Variants in RPP14 observed in about 807,000 individuals in gnomAD.
RPP14 encodes ribonuclease P protein subunit p14.
A neutral mutation model predicts 17.8 loss-of-function variants in RPP14; 19 were observed. That is an observed-to-expected ratio of 1.07 (90% CI 0.74 to 1.57). The LOEUF (loss-of-function observed/expected upper bound fraction) is 1.57. Among genes scored for constraint, RPP14 ranks in the 40% most tolerant of loss-of-function variants. RPP14 has a pLI of 0.00. For synonymous variants in RPP14, 60 were observed against 56.4 expected, an observed-to-expected ratio of 1.06 and a Z score of -0.29; for missense variants, 125 against 140.8, an observed-to-expected ratio of 0.89 and a Z score of 0.57.
At chr3:58,307,466 G>A (rs1337619094) in intron 1 of RPP14, among the ~76,000 whole-genome samples, 1 of 152,212 alleles carries the variant, frequency 6.6e-6, no homozygotes, top group Non-Finnish European at 1.5e-5. Flanking sequence ...GCTCATGCCT[G>A]TAATCCCAGC....
intron 3 of RPP14, among the ~76,000 whole-genome samples, chr3:58,311,541 C>T (rs1176765958): frequency 6.6e-6 from 1 of 152,154 alleles, no homozygotes; most frequent in African/African-American, 2.4e-5. Flanking sequence ...ACAAAATGGC[C>T]TCCAGTTCTA....
chr3:58,312,334 A>ACCCCCC lies in RPP14; in HGVS notation c.162+1747_162+1752dup, dbSNP rs76719108. Among the ~76,000 whole-genome samples the ACCCCCC allele has an allele frequency of 3.0e-4, 21 of 69,702 alleles. No individual in the cohort carries two copies. In the East Asian group the frequency reaches 4.3e-3, roughly 14 times the overall value. 45.7% of individuals were successfully genotyped at this position (69,702 alleles called of 152,430 possible). The stretch of plus-strand genomic sequence containing the variant: ...TGGAGTGCAGTGGCACAACCTCCGC[A>ACCCCCC]CCCCCCCCCGCCCCTCCCGGATTCA... On this transcript the variant is annotated intron_variant, in intron 3 of 5. Coordinates refer to ENST00000295959, the MANE Select transcript of RPP14 (RefSeq NM_007042.6).
intron 5 of RPP14, 105 bp from the exon 6 acceptor site, chr3:58,317,335 C>A: frequency 1.4e-6 from 1 of 735,438 alleles, no homozygotes; most frequent in South Asian, 1.8e-5. Flanking sequence ...GTAAAATGCT[C>A]CTGCATCAGC....
chr3:58,318,547 C>G lies in RPP14; in HGVS notation c.*1051C>G, dbSNP rs903688710. On this transcript the variant is annotated 3_prime_UTR_variant, in exon 6 of 6. Transcript: ENST00000295959. ...ACTAGCTGTGCTTGGTGACTTGGCC[C>G]TGTAGTCCCAGTTGCTTGGGAGGCT... 6.5e-6 allele frequency: 1 copy of G among 152,686 alleles called. No individual in the cohort carries two copies. The highest frequency in any genetic ancestry group is 2.5e-5 in the African/African-American group (1 of 40,702). The allele number at this position is 152,686 out of a possible 1,614,324, so 9.5% of individuals were successfully genotyped here. A position where few individuals can be genotyped will look rare whatever the true frequency, so the allele number is the denominator to read the frequency against.
chr3:58,317,595 A>T lies in RPP14; in HGVS notation c.*99A>T. The T allele has an allele frequency of 2.4e-6, 2 of 850,988 alleles. No individual in the cohort carries two copies. Among genetic ancestry groups the T allele is most frequent in the Non-Finnish European group, 3.9e-6 (2 of 510,832 alleles). The allele number at this position is 850,988 out of a possible 1,614,324, so 52.7% of individuals were successfully genotyped here. A position where few individuals can be genotyped will look rare whatever the true frequency, so the allele number is the denominator to read the frequency against. On this transcript the variant is annotated 3_prime_UTR_variant, in exon 6 of 6. Transcript: ENST00000295959. The stretch of plus-strand genomic sequence containing the variant: ...TGAAGCAGGCTAAAAGCTCTTGATG[A>T]AATTTGAGGGTGCTGAAGATGTTCC...
chr3:58,315,783 TCTC>T (rs1203984496), intron 3 of RPP14: 9 of 152,396 alleles, frequency 5.9e-5, no homozygotes, highest in African/African-American at 2.2e-4. Context: ...TTCAAGCGAT[TCTC>T]CTGCCTCAGC....
chr3:58,308,491 C>T (rs370772225), intron 1 of RPP14, among the ~76,000 whole-genome samples: 10 of 151,916 alleles, frequency 6.6e-5, no homozygotes, highest in African/African-American at 2.4e-4. Context: ...CAGGGTCTCA[C>T]TATGTTTCCC....
chr3:58,309,870 C>T (rs188908638), intron 1 of RPP14, among the ~76,000 whole-genome samples: 149 of 151,466 alleles, frequency 9.8e-4, no homozygotes, highest in African/African-American at 3.2e-3. Context: ...CCAGCCTGGG[C>T]GACAGAGCAA....
At chr3:58,310,709 A>G (rs2097481289) in intron 3 of RPP14, 118 bp downstream of exon 3, 1 of 755,342 alleles carries the variant, frequency 1.3e-6, no homozygotes, top group African/African-American at 1.8e-5. Context: ...AGGTGGGCAG[A>G]TCATGAGGTC....
intron 1 of RPP14, among the ~76,000 whole-genome samples, chr3:58,306,806 A>AAG (rs2097475532): frequency 6.6e-6 from 1 of 152,274 alleles, no homozygotes; most frequent in Non-Finnish European, 1.5e-5. Flanking sequence ...CTTGGGAAAC[A>AAG]GCAGTGAACA....
At chr3:58,313,258 CA>C (rs1443143733) in intron 3 of RPP14, among the ~76,000 whole-genome samples, 1 of 151,216 alleles carries the variant, frequency 6.6e-6, no homozygotes, top group Non-Finnish European at 1.5e-5. Flanking sequence ...GACTCGGTCT[CA>C]AAAAAAAGGC....
chr3:58,316,146 C>T (rs1223601561), intron 3 of RPP14, among the ~76,000 whole-genome samples: 1 of 152,172 alleles, frequency 6.6e-6, no homozygotes, highest in African/African-American at 2.4e-5. Flanking sequence ...GGACTAATGT[C>T]TTGGTTCTTG....
At chr3:58,310,727 C>T (rs1198077327) in intron 3 of RPP14, 136 bp downstream of exon 3, 6 of 638,022 alleles carry the variant, frequency 9.4e-6, no homozygotes, top group Admixed American at 5.5e-5. Flanking sequence ...GTCAAGAGAT[C>T]GAGACCATCC....
intron 3 of RPP14, among the ~76,000 whole-genome samples, chr3:58,314,700 T>TG (rs2097486446): frequency 1.7e-5 from 2 of 121,122 alleles, no homozygotes; most frequent in African/African-American, 6.7e-5. Flanking sequence ...TTTTTTTTTT[T>TG]GTTGAGATGG....
At position 58,308,283 on chromosome 3, in the gene RPP14, T is replaced by G. The variant is rs1160061153; in HGVS notation, c.-22+1866T>G. On this transcript the variant is annotated intron_variant, in intron 1 of 5. Coordinates refer to ENST00000295959, the MANE Select transcript of RPP14 (RefSeq NM_007042.6). The stretch of plus-strand genomic sequence containing the variant: ...ACTTTGTGTCATAGTATTACAGTAT[T>G]TTTTGTTTGTTTGTTTTGGAGACAG... Among the ~76,000 whole-genome samples the G allele has an allele frequency of 1.3e-5, 2 of 152,146 alleles. 1 individual carries two copies. The highest frequency in any genetic ancestry group is 4.8e-5 in the African/African-American group (2 of 41,492).
rs1253254019 is a variant in RPP14, at chr3:58,310,328, A to T, written c.-2A>T. The T allele has an allele frequency of 1.2e-6, 2 of 1,613,968 alleles. No individual in the cohort carries two copies. The highest frequency in any genetic ancestry group is 1.7e-5 in the Admixed American group (1 of 60,010). ...CTGTAGGTGTGATCAGCACTGGAAAAGATGCCTGCCCCTGCTGCCACATAT... is the reference window on the plus strand; with the variant it reads ...CTGTAGGTGTGATCAGCACTGGAAATGATGCCTGCCCCTGCTGCCACATAT... On this transcript the variant is annotated 5_prime_UTR_variant, in exon 2 of 6. In the 5' UTR this introduces an upstream ATG that the reference lacks. Transcript: ENST00000295959.
chr3:58,307,461 T>A (rs1056641836), intron 1 of RPP14, among the ~76,000 whole-genome samples: 1 of 152,188 alleles, frequency 6.6e-6, no homozygotes, highest in Non-Finnish European at 1.5e-5. Flanking sequence ...CGGTGGCTCA[T>A]GCCTGTAATC....
rs2097488906 is a variant in RPP14, at chr3:58,316,951, A to T, written c.276A>T (p.Leu92Phe). 1 of 1,613,888 alleles carries T rather than the reference A, an allele frequency of 6.2e-7. No individual in the cohort carries two copies. The highest frequency in any genetic ancestry group is 8.5e-7 in the Non-Finnish European group (1 of 1,179,902). The change falls in exon 5 of 6, where the codon TTA becomes TTT. Residue 92 changes from leucine (L) to phenylalanine (F), a missense_variant. By Grantham distance (22) the Leu-to-Phe change is conservative. Transcript: ENST00000295959. ...AATTGTGGAGCTCTTTGACCCTGTT[A>T]GGATCCTATAAAGGCAAAAAATGTG... is the stretch of plus-strand genomic sequence containing the variant. ...LVKLWSSLTL[L>F]GSYKGKKCAF...
intron 3 of RPP14, chr3:58,315,787 C>G (rs934678425): frequency 6.6e-6 from 1 of 152,408 alleles, no homozygotes. Context: ...AGCGATTCTC[C>G]TGCCTCAGCC....
Sources: allele counts gnomAD v4.1 joint callset (sites outside exome capture counted in the v4.1 genomes callset), GRCh38; gene constraint gnomAD v4.1.1; transcripts MANE v1.5; gene names NCBI Gene and HGNC (gene_info 2026-07-23, HGNC 2026-07-21).